The following AP3B2 variants were observed in gnomAD, a reference collection of about 807,000 sequenced individuals.
AP3B2 encodes adaptor related protein complex 3 subunit beta 2.
AP3B2 carries 50 observed loss-of-function variants against 126.9 expected under a neutral mutation model. That is an observed-to-expected ratio of 0.39 (90% confidence interval 0.31 to 0.50). The LOEUF (loss-of-function observed/expected upper bound fraction) is 0.50. AP3B2 is among the 20% of genes least tolerant of loss of function. AP3B2 has a pLI of 0.79. For synonymous variants in AP3B2, 541 were observed against 565.0 expected, an observed-to-expected ratio of 0.96 and a Z score of 0.60; for missense variants, 1,177 against 1,426.4, an observed-to-expected ratio of 0.83 and a Z score of 2.82.
At chr15:82,698,053 A>C (rs1275283403) in intron 1 of AP3B2, 2 of 152,378 alleles carry the variant, frequency 1.3e-5, no homozygotes, top group African/African-American at 4.8e-5. Flanking sequence ...AGGATCCTTC[A>C]TACGCACACC....
At chr15:82,663,702 T>C in intron 20 of AP3B2, 82 bp from the exon 21 acceptor site, 1 of 1,606,060 alleles carries the variant, frequency 6.2e-7, no homozygotes, top group Non-Finnish European at 8.5e-7. Flanking sequence ...TGTCATGTTC[T>C]GTTCTGGATG....
Position 82,680,930 on chromosome 15 carries a change from G to T in AP3B2, c.678C>A (p.Asn226Lys). The T allele has an allele frequency of 1.2e-6, 2 of 1,613,986 alleles. No individual in the cohort carries two copies. The highest frequency in any genetic ancestry group is 1.7e-6 in the Non-Finnish European group (2 of 1,179,882). The stretch of plus-strand genomic sequence containing the variant: ...CCCACTCCTCCACGTCGATCAGCAG[G>T]TTACAGAGTTTCCGGTAGTTTTTGT... ...LIHKNYRKLCNLLIDVEEWGQ... is the reference protein window; with the variant it reads ...LIHKNYRKLCKLLIDVEEWGQ... Residue 226 changes from asparagine to lysine, a missense_variant, in exon 7 of 27, where the codon AAC (asparagine) becomes AAA (lysine). This residue lies in a region of AP3B2 where 103 missense variants were observed against 101.4 expected (regional missense o/e 1.02). Transcript: ENST00000535359. The surrounding 1 kb of genome is among the most constrained non-coding windows in gnomAD (Gnocchi z 6.1).
At chr15:82,707,970 C>T (rs1455489022) in intron 1 of AP3B2, among the ~76,000 whole-genome samples, 1 of 152,100 alleles carries the variant, frequency 6.6e-6, no homozygotes, top group Non-Finnish European at 1.5e-5. Context: ...GTTTGCTGCC[C>T]CAACACTTCA....
intron 1 of AP3B2, among the ~76,000 whole-genome samples, chr15:82,706,204 C>A (rs2048793285): frequency 6.6e-6 from 1 of 152,180 alleles, no homozygotes; most frequent in Non-Finnish European, 1.5e-5. Flanking sequence ...CTTCCAAAAT[C>A]TATTTTCTTC....
rs756273764 is a variant in AP3B2, at chr15:82,663,176, G to T, written c.2555C>A (p.Ala852Asp). The T allele has an allele frequency of 1.2e-6, 2 of 1,612,920 alleles. No homozygotes were observed. The highest frequency in any genetic ancestry group is 2.2e-5 in the South Asian group (2 of 90,936). Residue 852 changes from alanine to aspartate, a missense_variant, in exon 22 of 27, where the codon GCT becomes GAT. Coordinates refer to ENST00000535359, the MANE Select transcript of AP3B2 (RefSeq NM_001278512.2). ...GAGTGTCAGGCCCTCCAGGTCAGCAGCCAGACTGGTAGACACAATTGCTGG... is the reference window on the plus strand; with the variant it reads ...GAGTGTCAGGCCCTCCAGGTCAGCATCCAGACTGGTAGACACAATTGCTGG... The part of the protein sequence containing the change: ...SPPAIVSTSL[A>D]ADLEGLTLTD...
chr15:82,680,420 G>A lies in AP3B2; in HGVS notation c.1055+52C>T. On this transcript the variant is annotated intron_variant, in intron 8 of 26. Coordinates refer to ENST00000535359, the MANE Select transcript of AP3B2 (RefSeq NM_001278512.2). This position sits in a 1 kb window ranked among gnomAD's most constrained non-coding sequence, Gnocchi z 6.1. ...GTGAGGGGGCGGAGCCGGGCAGCCC[G>A]TGGGGCGGGGCAGGAGGCGAGGGAG... is the stretch of plus-strand genomic sequence containing the variant. 1 of 1,445,088 alleles carries A rather than the reference G, an allele frequency of 6.9e-7. No homozygotes were observed. The highest frequency in any genetic ancestry group is 9.1e-7 in the Non-Finnish European group (1 of 1,100,396). 89.5% of individuals were successfully genotyped at this position (1,445,088 alleles called of 1,614,324 possible).
chr15:82,709,330 TCTC>T (rs1208413794), intron 1 of AP3B2, among the ~76,000 whole-genome samples: 1 of 152,050 alleles, frequency 6.6e-6, no homozygotes, highest in Non-Finnish European at 1.5e-5. Flanking sequence ...CCGGAGGGTT[TCTC>T]CTCTCGAAAC....
In AP3B2 at chr15:82,662,220, C is replaced by A. The variant is rs1320010117; in HGVS notation, c.2866G>T (p.Val956Leu). Residue 956 changes from valine to leucine, a missense_variant, in exon 24 of 27, where the codon GTA becomes TTA. Around this residue, in one of 5 missense-constraint regions of AP3B2, gnomAD observed 587 missense variants for 571.3 expected, o/e 1.03. Transcript: ENST00000535359. ...SLAPGESATA[V>L]MGINFCDSTQ... ...GAGTCACAGAAATTAATGCCCATTA[C>A]AGCAGTGGCAGATTCTCCAGGTGCC... is the stretch of plus-strand genomic sequence containing the variant. 2 of 1,602,222 alleles carry A rather than the reference C, an allele frequency of 1.2e-6. No homozygotes were observed. The highest frequency in any genetic ancestry group is 3.4e-5 in the Admixed American group (2 of 58,566).
Position 82,681,113 on chromosome 15 carries a change from G to T in AP3B2, c.587C>A (p.Thr196Lys). The change falls in exon 6 of 27, where the codon ACG becomes AAG. Residue 196 changes from threonine to lysine, a missense_variant and splice_region_variant. Physicochemically the swap from Thr to Lys is moderately conservative, Grantham distance 78 (BLOSUM62 -1). Around this residue, in one of 5 missense-constraint regions of AP3B2, gnomAD observed 130 missense variants for 262.0 expected, o/e 0.50. Coordinates refer to ENST00000535359, the MANE Select transcript of AP3B2 (RefSeq NM_001278512.2). The surrounding 1 kb of genome is among the most constrained non-coding windows in gnomAD (Gnocchi z 4.0). Reference sequence around the variant, plus strand: ...CCCGGAGCGCCCCTATACACGCACCGTGGTCTTGTCAGCCAGAAGCTTCTC... The same window carrying T: ...CCCGGAGCGCCCCTATACACGCACCTTGGTCTTGTCAGCCAGAAGCTTCTC... ...VIEKLLADKT[T>K]LVAGSVVMAF... 2 of 1,613,474 alleles carry T rather than the reference G, an allele frequency of 1.2e-6. No individual in the cohort carries two copies. The highest frequency in any genetic ancestry group is 1.7e-6 in the Non-Finnish European group (2 of 1,179,714).
Position 82,680,524 on chromosome 15 carries a change from C to T in AP3B2, c.1003G>A (p.Ala335Thr), listed in dbSNP as rs2048319656. Reference protein sequence around the residue: ...AQLYFHLAPKAEVGVIAKALV... With the variant: ...AQLYFHLAPKTEVGVIAKALV... Reference sequence around the variant, plus strand: ...GCCTTGGCGATGACGCCCACTTCCGCCTTGGGCGCCAGGTGGAAGTAGAGC... The same window carrying T: ...GCCTTGGCGATGACGCCCACTTCCGTCTTGGGCGCCAGGTGGAAGTAGAGC... Residue 335 changes from alanine to threonine, a missense_variant, in exon 8 of 27, where the codon GCG becomes ACG. Physicochemically the swap from Ala to Thr is moderately conservative, Grantham distance 58. Transcript: ENST00000535359. This position sits in a 1 kb window ranked among gnomAD's most constrained non-coding sequence, Gnocchi z 6.1. 11 of 1,542,698 alleles carry T rather than the reference C, an allele frequency of 7.1e-6. No individual in the cohort carries two copies. The highest frequency in any genetic ancestry group is 9.6e-6 in the Non-Finnish European group (11 of 1,150,278).
chr15:82,679,891 C>G, intron 9 of AP3B2, 91 bp from the exon 10 acceptor site: 1 of 1,242,846 alleles, frequency 8.0e-7, no homozygotes, highest in Non-Finnish European at 1.2e-6. Flanking sequence ...ACCCAGCGCC[C>G]AGGATCCTTG....
Position 82,681,368 on chromosome 15 carries a change from G to A in AP3B2, c.521+52C>T. Reference sequence around the variant, plus strand: ...ACTTAGGAAAGGCCAGGGGTGGGTTGAGAACTTAGGAACCAGCCTCCTGGG... The same window carrying A: ...ACTTAGGAAAGGCCAGGGGTGGGTTAAGAACTTAGGAACCAGCCTCCTGGG... On this transcript the variant is annotated intron_variant, in intron 5 of 26. Transcript: ENST00000535359. This position sits in a 1 kb window ranked among gnomAD's most constrained non-coding sequence, Gnocchi z 4.0. 1.2e-6 allele frequency: 2 copies of A among 1,602,902 alleles called. No individual in the cohort carries two copies. The highest frequency in any genetic ancestry group is 2.2e-5 in the South Asian group (2 of 88,980).
Position 82,689,408 on chromosome 15 carries a change from G to A in AP3B2, c.159C>T (p.Leu53=). 1 of 1,613,938 alleles carries A rather than the reference G, an allele frequency of 6.2e-7. No homozygotes were observed. The change falls in exon 2 of 27, where the codon CTC becomes CTT. Residue 53 remains leucine, a synonymous_variant. Coordinates refer to ENST00000535359, the MANE Select transcript of AP3B2 (RefSeq NM_001278512.2). ...KEMLDTNKDS[L]KLEAMKRIVA... is the part of the protein sequence containing the mutation. The stretch of plus-strand genomic sequence containing the variant: ...CAATCCTCTTCATGGCCTCCAGCTT[G>A]AGAGAATCCTTGTTGGTGTCCAGCA...
rs1169574887 is a variant in AP3B2 at position 82,665,023 on chromosome 15, T to C, written c.2029-80A>G. On this transcript the variant is annotated intron_variant, in intron 17 of 26. Transcript: ENST00000535359. The surrounding 1 kb of genome is among the most constrained non-coding windows in gnomAD (Gnocchi z 4.4). ...GCAGGCACAAGCCCTTACCCTTTAT[T>C]CCACCTCTTTGTGAGGCCCTACCTG... 1 of 1,207,200 alleles carries C rather than the reference T, an allele frequency of 8.3e-7. No homozygotes were observed. Among genetic ancestry groups the C allele is most frequent in the Non-Finnish European group, 1.2e-6 (1 of 836,234 alleles). The allele number at this position is 1,207,200 out of a possible 1,614,324, so 74.8% of individuals were successfully genotyped here.
At chr15:82,660,271 C>T (rs1366147062) in intron 25 of AP3B2, among the ~76,000 whole-genome samples, 1 of 152,150 alleles carries the variant, frequency 6.6e-6, no homozygotes, top group African/African-American at 2.4e-5. Context: ...CTACCAGCCC[C>T]TTGAGAGTGG....
Position 82,663,805 on chromosome 15 carries a change from T to C in AP3B2, c.2432A>G (p.Lys811Arg), listed in dbSNP as rs200012307. The change falls in exon 20 of 27, where the codon AAA becomes AGA. Residue 811 changes from lysine (K) to arginine (R), a missense_variant. Transcript: ENST00000535359. Reference sequence around the variant, plus strand: ...ACTCTGCCCCAAGGCTCTCACTGTTTTCCTGCTCCAGGAGGCAGGTTCTAA... The same window carrying C: ...ACTCTGCCCCAAGGCTCTCACTGTTCTCCTGCTCCAGGAGGCAGGTTCTAA... The part of the protein sequence containing the change: ...EQLEPASWSR[K>R]TPPSSKSAPA... 40 of 1,612,496 alleles carry C rather than the reference T, an allele frequency of 2.5e-5. No homozygotes were observed. Among genetic ancestry groups the C allele is most frequent in the Non-Finnish European group, 3.4e-5 (40 of 1,179,096 alleles).
At chr15:82,701,814 C>T (rs1021321293) in intron 1 of AP3B2, among the ~76,000 whole-genome samples, 1 of 152,122 alleles carries the variant, frequency 6.6e-6, no homozygotes, top group Non-Finnish European at 1.5e-5. Context: ...TAATCTAGCT[C>T]CTGTTCTCCT....
At chr15:82,700,207 C>T (rs1370877959) in intron 1 of AP3B2, among the ~76,000 whole-genome samples, 1 of 151,962 alleles carries the variant, frequency 6.6e-6, no homozygotes, top group East Asian at 1.9e-4. Flanking sequence ...TGACCCTAGG[C>T]ATCTTAATCC....
At chr15:82,675,377 T>C (rs902404193) in intron 14 of AP3B2, among the ~76,000 whole-genome samples, 1 of 152,328 alleles carries the variant, frequency 6.6e-6, no homozygotes, top group African/African-American at 2.4e-5. Flanking sequence ...TGGCCCTGCC[T>C]ACCTCACCTT....
Sources: gnomAD v4.1 joint callset for allele counts (sites outside exome capture counted in the v4.1 genomes callset) on GRCh38, gnomAD v4.1.1 for gene constraint, gnomAD v4.1.1 regional missense constraint, Gnocchi (gnomAD v3.1) non-coding constraint, MANE v1.5 for transcripts, NCBI Gene and HGNC (gene_info 2026-07-23, HGNC 2026-07-21) for gene names.